Variants in GABRB3 observed in about 807,000 individuals in gnomAD.
GABRB3 encodes the protein gamma-aminobutyric acid type A receptor subunit beta3, also known as gamma-aminobutyric acid receptor subunit beta-3.
GABRB3 carries 14 observed loss-of-function variants against 52.1 expected under a neutral mutation model. The observed-to-expected ratio is 0.27, with a 90% CI of 0.18 to 0.42. The LOEUF is 0.42. Ranked by LOEUF, GABRB3 falls within the 10% of genes least tolerant of loss-of-function variation. The pLI is 1.00. For synonymous variants in GABRB3, 260 were observed against 232.3 expected (o/e 1.12, Z -1.08); for missense variants, 307 against 609.1 (o/e 0.50, Z 5.22).
At chr15:26,553,854 A>C (rs1177194449) in intron 8 of GABRB3, among the ~76,000 whole-genome samples, 1 of 151,144 alleles carries the variant, frequency 6.6e-6, no homozygotes, top group Non-Finnish European at 1.5e-5. Flanking sequence ...AAAATACTGC[A>C]TGTTGCCTTT....
chr15:26,669,632 C>A (rs766018966), intron 3 of GABRB3, among the ~76,000 whole-genome samples: 3 of 152,064 alleles, frequency 2.0e-5, no homozygotes, highest in Non-Finnish European at 4.4e-5. Context: ...CTCCCCACCC[C>A]TCTCCTTTAA....
intron 3 of GABRB3, among the ~76,000 whole-genome samples, chr15:26,757,825 ATCTC>A (rs755199872): frequency 2.0e-5 from 3 of 152,176 alleles, no homozygotes; most frequent in African/African-American, 4.8e-5. Flanking sequence ...AATTTTAAAA[ATCTC>A]TCTCTATATA....
intron 3 of GABRB3, among the ~76,000 whole-genome samples, chr15:26,732,447 C>T (rs1647617794): frequency 6.6e-6 from 1 of 152,106 alleles, no homozygotes; most frequent in Non-Finnish European, 1.5e-5. Flanking sequence ...AAACTTCCAT[C>T]ATGTTTAAAG....
intron 6 of GABRB3, among the ~76,000 whole-genome samples, chr15:26,571,103 C>G (rs1890377328): frequency 6.6e-6 from 1 of 152,168 alleles, no homozygotes; most frequent in Non-Finnish European, 1.5e-5. Flanking sequence ...AATATCTTTA[C>G]TGAAGTAACT....
At chr15:26,772,638 C>A in intron 2 of GABRB3, 43 bp downstream of exon 2, 1 of 1,507,000 alleles carries the variant, frequency 6.6e-7, no homozygotes. Flanking sequence ...CCGCCGCCGC[C>A]GTGGGTCGCG....
intron 4 of GABRB3, among the ~76,000 whole-genome samples, chr15:26,596,268 C>A (rs73368330): frequency 1.3e-3 from 199 of 151,958 alleles, no homozygotes; most frequent in Non-Finnish European, 1.2e-3. Context: ...TTTCTTGATA[C>A]GAACAAACAG....
intron 3 of GABRB3, among the ~76,000 whole-genome samples, chr15:26,630,919 T>C (rs1393126968): frequency 6.6e-6 from 1 of 152,204 alleles, no homozygotes; most frequent in South Asian, 2.1e-4. Context: ...TGTTTTCCTA[T>C]AGAAAAAACT....
chr15:26,634,828 ATG>A lies in GABRB3; in HGVS notation c.241-13296_241-13295del, dbSNP rs1893002031. ...ATACTCACTAAATACGTGTGTATAT[ATG>A]TGTTTGTGTGTGTATGTATACATAC... On this transcript the variant is annotated intron_variant, in intron 3 of 8. Transcript: ENST00000311550. Among the ~76,000 whole-genome samples, 4 of 146,508 alleles carry A rather than the reference ATG, an allele frequency of 2.7e-5. No homozygotes were observed. In the Admixed American group the frequency reaches 2.9e-4, roughly 10 times the overall value.
intron 7 of GABRB3, among the ~76,000 whole-genome samples, chr15:26,564,181 C>A (rs1346812451): frequency 1.3e-5 from 2 of 152,034 alleles, no homozygotes; most frequent in African/African-American, 4.8e-5. Context: ...GATGCTCAAA[C>A]TAAGTATAAT....
intron 3 of GABRB3, among the ~76,000 whole-genome samples, chr15:26,657,457 T>G (rs796736604): frequency 5.9e-5 from 9 of 152,330 alleles, no homozygotes; most frequent in African/African-American, 2.2e-4. Context: ...ACGGTCTAAA[T>G]CTACGGATGG....
At chr15:26,571,903 C>T (rs1890412995) in intron 6 of GABRB3, among the ~76,000 whole-genome samples, 1 of 151,976 alleles carries the variant, frequency 6.6e-6, no homozygotes, top group Non-Finnish European at 1.5e-5. Context: ...CAAAAATTAG[C>T]CAGGCGTGGT....
intron 4 of GABRB3, among the ~76,000 whole-genome samples, chr15:26,618,787 C>T (rs1892364867): frequency 6.6e-6 from 1 of 152,040 alleles, no homozygotes; most frequent in Non-Finnish European, 1.5e-5. Flanking sequence ...GGGCTAATAT[C>T]CAGAATCCAC....
At position 26,717,121 on chromosome 15, in the gene GABRB3, G is replaced by GACAGCCCAGCTCTGAGGACCTCCA. The variant is rs1479565879; in HGVS notation, c.240+55280_240+55281insTGGAGGTCCTCAGAGCTGGGCTGT. On this transcript the variant is annotated intron_variant, in intron 3 of 8. Transcript: ENST00000311550. ...TGACAGCCCAGTTCTGGGGACATCC[G>GACAGCCCAGCTCTGAGGACCTCCA]CCCAATGACAGCCCAGCTCTGAGGA... 2.0e-3 allele frequency among the ~76,000 whole-genome samples: 237 copies of GACAGCCCAGCTCTGAGGACCTCCA among 119,462 alleles called. 28 individuals carry two copies. The highest frequency in any genetic ancestry group is 2.7e-3 in the Non-Finnish European group (153 of 56,304). The allele number at this position is 119,462 out of a possible 152,430, so 78.4% of individuals were successfully genotyped here.
chr15:26,624,115 GGCC>G, intron 3 of GABRB3: 16 of 847,488 alleles, frequency 1.9e-5, no homozygotes, highest in Non-Finnish European at 2.3e-5. Flanking sequence ...GTAAAGCAAA[GGCC>G]TGAAAGGTTC....
At chr15:26,678,288 G>A (rs1888129094) in intron 3 of GABRB3, among the ~76,000 whole-genome samples, 1 of 152,190 alleles carries the variant, frequency 6.6e-6, no homozygotes, top group South Asian at 2.1e-4. Context: ...TCTATGCTTA[G>A]GCTGCTGACA....
chr15:26,693,388 G>T (rs1386825838), intron 3 of GABRB3, among the ~76,000 whole-genome samples: 1 of 152,158 alleles, frequency 6.6e-6, no homozygotes, highest in Non-Finnish European at 1.5e-5. Context: ...AGAGGAAATG[G>T]AAAGGAATTT....
At chr15:26,745,894 A>G (rs1040501909) in intron 3 of GABRB3, among the ~76,000 whole-genome samples, 1 of 152,194 alleles carries the variant, frequency 6.6e-6, no homozygotes, top group Non-Finnish European at 1.5e-5. Flanking sequence ...ATTAAAAATA[A>G]AGATGCTGTG....
intron 3 of GABRB3, among the ~76,000 whole-genome samples, chr15:26,747,276 G>A (rs889247259): frequency 1.1e-4 from 17 of 152,096 alleles, no homozygotes; most frequent in African/African-American, 3.9e-4. Context: ...TCCTTGCTGG[G>A]ACTTTGATAG....
chr15:26,614,255 C>T (rs1256172001), intron 4 of GABRB3: 1 of 152,008 alleles, frequency 6.6e-6, no homozygotes, highest in Non-Finnish European at 1.5e-5. Context: ...TTGAAGTAAC[C>T]TCATTAAATC....
Sources: allele counts gnomAD v4.1 joint callset (sites outside exome capture counted in the v4.1 genomes callset), GRCh38; gene constraint gnomAD v4.1.1; transcripts MANE v1.5; gene names NCBI Gene and HGNC (gene_info 2026-07-23, HGNC 2026-07-21).